UBR3: variants seen among roughly 807,000 people sequenced by gnomAD.
UBR3 encodes the protein E3 ubiquitin-protein ligase UBR3.
UBR3 carries 85 observed loss-of-function variants against 243.2 expected under a neutral mutation model. The ratio of observed to expected loss-of-function variants is 0.35; its 90% CI spans 0.29 to 0.42. The LOEUF (loss-of-function observed/expected upper bound fraction) is 0.42, where lower values mean the gene tolerates loss of function less well. Ranked by LOEUF, UBR3 falls within the 10% of genes least tolerant of loss-of-function variation. UBR3 has a pLI of 1.00. For synonymous variants in UBR3, 748 were observed against 799.8 expected, an observed-to-expected ratio of 0.94 and a Z score of 1.09; for missense variants, 1,686 against 2,300.8, an observed-to-expected ratio of 0.73 and a Z score of 5.47.
chr2:170,020,969 C>T (rs766807705), intron 30 of UBR3, among the ~76,000 whole-genome samples: 1 of 152,038 alleles, frequency 6.6e-6, no homozygotes, highest in Non-Finnish European at 1.5e-5. Context: ...CTATTCCAAT[C>T]GTTTGCACTG....
In UBR3 at chr2:170,033,585, C is replaced by T. The variant is rs1172697126; in HGVS notation, c.4556+4137C>T. The stretch of plus-strand genomic sequence containing the variant: ...TTGATTGGTTTTTCCACACCCACCC[C>T]CCCCCCCCCCAATATTTGCTCTCAT... On this transcript the variant is annotated intron_variant, in intron 31 of 38. Transcript: ENST00000272793. 7.2e-5 allele frequency among the ~76,000 whole-genome samples: 8 copies of T among 111,606 alleles called. 1 individual carries two copies. Among genetic ancestry groups the T allele is most frequent in the East Asian group, 6.5e-4 (2 of 3,086 alleles). The allele number at this position is 111,606 out of a possible 152,430, so 73.2% of individuals were successfully genotyped here.
intron 35 of UBR3, among the ~76,000 whole-genome samples, chr2:170,061,780 A>G (rs2091463191): frequency 6.6e-6 from 1 of 152,318 alleles, no homozygotes; most frequent in South Asian, 2.1e-4. Flanking sequence ...CCTTGTTTTT[A>G]TAATAAGCTA....
chr2:170,032,783 T>C (rs1310395050), intron 31 of UBR3, among the ~76,000 whole-genome samples: 2 of 151,916 alleles, frequency 1.3e-5, no homozygotes, highest in Non-Finnish European at 2.9e-5. Flanking sequence ...TTACTGATGA[T>C]CATAACTCTG....
chr2:170,030,692 T>C (rs1343668695), intron 31 of UBR3, among the ~76,000 whole-genome samples: 2 of 152,168 alleles, frequency 1.3e-5, no homozygotes, highest in Non-Finnish European at 2.9e-5. Flanking sequence ...TGTTTTTAAA[T>C]CACATAAAGT....
rs1190213050 is a variant in UBR3, at chr2:170,083,661, C to T, written c.*1818C>T. On this transcript the variant is annotated 3_prime_UTR_variant, in exon 39 of 39. Coordinates refer to ENST00000272793, the MANE Select transcript of UBR3 (RefSeq NM_172070.4). The stretch of plus-strand genomic sequence containing the variant: ...ATATACATGGTATAATGTATTCAGA[C>T]TTTGATTACTACTTATTTAAAATGG... The T allele has an allele frequency of 1.3e-5, 2 of 152,540 alleles. No homozygotes were observed. The highest frequency in any genetic ancestry group is 2.9e-5 in the Non-Finnish European group (2 of 67,984). 9.4% of individuals were successfully genotyped at this position (152,540 alleles called of 1,614,324 possible).
At chr2:169,928,637 A>G in intron 17 of UBR3, 90 bp from the exon 18 acceptor site, 16 of 1,076,162 alleles carry the variant, frequency 1.5e-5, no homozygotes, top group Non-Finnish European at 1.9e-5. Context: ...CTATTTGTCT[A>G]CTTCAGCAAA....
At chr2:169,843,725 T>G (rs969576653) in intron 1 of UBR3, among the ~76,000 whole-genome samples, 2 of 152,238 alleles carry the variant, frequency 1.3e-5, no homozygotes, top group Non-Finnish European at 2.9e-5. Context: ...GTATCTGTAG[T>G]CAAGAGGGAT....
In UBR3 at chr2:169,877,614, G is replaced by C. The variant is rs994737370; in HGVS notation, c.965G>C (p.Gly322Ala). Residue 322 changes from glycine to alanine, a missense_variant, in exon 4 of 39, where the codon GGT becomes GCT. Around this residue, in one of 8 missense-constraint regions of UBR3, gnomAD observed 200 missense variants for 231.6 expected, o/e 0.86. Transcript: ENST00000272793. ...TATGGTGTGCAGGAGCCATCTGCTG[G>C]TACTAGTTCTCTGGCTGTTCAAGGT... is the stretch of plus-strand genomic sequence containing the variant. Reference protein sequence around the residue: ...LVYGVQEPSAGTSSLAVQGFI... With the variant: ...LVYGVQEPSAATSSLAVQGFI... 3.9e-5 allele frequency: 60 copies of C among 1,545,438 alleles called. No individual in the cohort carries two copies. In the Admixed American group the frequency reaches 6.7e-4, roughly 17 times the overall value.
At chr2:169,890,562 T>C (rs1574134299) in intron 5 of UBR3, among the ~76,000 whole-genome samples, 1 of 110,274 alleles carries the variant, frequency 9.1e-6, no homozygotes, top group African/African-American at 3.7e-5. Flanking sequence ...TATATATATA[T>C]ATGTGTATAT....
chr2:169,945,876 C>T (rs1033543526), intron 20 of UBR3, among the ~76,000 whole-genome samples: 3 of 152,150 alleles, frequency 2.0e-5, no homozygotes, highest in African/African-American at 7.2e-5. Context: ...AAGAATGTAG[C>T]TACTCAAAAT....
At position 170,082,940 on chromosome 2, in the gene UBR3, G is replaced by A. The variant is rs2091929584; in HGVS notation, c.*1097G>A. 1 of 152,434 alleles carries A rather than the reference G, an allele frequency of 6.6e-6. No individual in the cohort carries two copies. The highest frequency in any genetic ancestry group is 1.5e-5 in the Non-Finnish European group (1 of 67,984). 9.4% of individuals were successfully genotyped at this position (152,434 alleles called of 1,614,324 possible). On this transcript the variant is annotated 3_prime_UTR_variant, in exon 39 of 39. Coordinates refer to ENST00000272793, the MANE Select transcript of UBR3 (RefSeq NM_172070.4). ...TGTGAAAAACAATTTATGTTTGCAG[G>A]GTTTAAAAATCAGTAAAAATGGGAA...
At chr2:169,877,725 A>T in intron 4 of UBR3, 88 bp downstream of exon 4, 10 of 1,312,938 alleles carry the variant, frequency 7.6e-6, no homozygotes, top group Non-Finnish European at 1.0e-5. Flanking sequence ...TATTGAAAAA[A>T]ATTATTTTGA....
chr2:169,882,787 A>G (rs1179973045), intron 5 of UBR3, among the ~76,000 whole-genome samples: 3 of 152,062 alleles, frequency 2.0e-5, no homozygotes, highest in African/African-American at 7.2e-5. Flanking sequence ...CAAAAACGAA[A>G]TGAAAATTAG....
At chr2:169,947,940 A>G (rs1198336078) in intron 22 of UBR3, 1 of 985,172 alleles carries the variant, frequency 1.0e-6, no homozygotes, top group Non-Finnish European at 1.2e-6. Flanking sequence ...AAAGAGAGGT[A>G]GATGTGTATG....
intron 24 of UBR3, among the ~76,000 whole-genome samples, chr2:169,967,558 AT>A (rs1340482859): frequency 6.6e-6 from 1 of 152,062 alleles, no homozygotes; most frequent in Non-Finnish European, 1.5e-5. Flanking sequence ...TGAAGGAGTG[AT>A]TTTTGTCAAC....
At chr2:169,951,401 TGTCA>T (rs1202650148) in intron 23 of UBR3, among the ~76,000 whole-genome samples, 1 of 152,136 alleles carries the variant, frequency 6.6e-6, no homozygotes, top group Non-Finnish European at 1.5e-5. Context: ...ATTCATTGGG[TGTCA>T]GTCAAGCAGT....
chr2:169,890,329 T>C (rs562699670), intron 5 of UBR3, among the ~76,000 whole-genome samples: 4 of 151,924 alleles, frequency 2.6e-5, no homozygotes, highest in African/African-American at 9.7e-5. Flanking sequence ...TTTACTCTGT[T>C]GTACAGTGTT....
chr2:170,013,329 A>G (rs1016921175), intron 29 of UBR3, among the ~76,000 whole-genome samples: 2 of 152,122 alleles, frequency 1.3e-5, no homozygotes, highest in African/African-American at 4.8e-5. Context: ...ATATTGCTGG[A>G]TACAGTGGTG....
At chr2:169,970,236 T>G (rs1214131293) in intron 24 of UBR3, among the ~76,000 whole-genome samples, 3 of 41,534 alleles carry the variant, frequency 7.2e-5, no homozygotes, top group African/African-American at 3.8e-4. Flanking sequence ...TGTTCCTAGG[T>G]TTTTTTTTTT....
Sources: gnomAD v4.1 joint callset for allele counts (sites outside exome capture counted in the v4.1 genomes callset) on GRCh38, gnomAD v4.1.1 for gene constraint, gnomAD v4.1.1 regional missense constraint, MANE v1.5 for transcripts, NCBI Gene and HGNC (gene_info 2026-07-23, HGNC 2026-07-21) for gene names.